SYN3: variants seen among roughly 807,000 people sequenced by gnomAD.
SYN3 encodes the protein synapsin-3.
Under a neutral mutation model 65.8 loss-of-function variants are expected in SYN3, and 35 were observed. The observed-to-expected ratio is 0.53, with a 90% CI of 0.41 to 0.70. The LOEUF (loss-of-function observed/expected upper bound fraction) is 0.70. Among genes scored for constraint, SYN3 ranks in the 30% least tolerant of loss-of-function variants. The probability of loss-of-function intolerance (pLI) is 0.00; values close to 1 mark genes in which losing one functional copy is unlikely to be tolerated. For synonymous variants in SYN3, 270 were observed against 292.9 expected, an observed-to-expected ratio of 0.92 and a Z score of 0.80; for missense variants, 680 against 749.0, an observed-to-expected ratio of 0.91 and a Z score of 1.08.
intron 7 of SYN3, among the ~76,000 whole-genome samples, chr22:32,596,288 C>G (rs963555594): frequency 6.6e-6 from 1 of 152,128 alleles, no homozygotes; most frequent in African/African-American, 2.4e-5. Flanking sequence ...TTTAGAGCAG[C>G]GTGAGAATGG....
rs1478966477 is a variant in SYN3, at chr22:32,890,615, C to T, written c.462-21490G>A. 7.3e-5 allele frequency among the ~76,000 whole-genome samples: 11 copies of T among 151,378 alleles called. No homozygotes were observed. The East Asian group carries it at 7.9e-4, about 11-fold the overall frequency. On this transcript the variant is annotated intron_variant, in intron 4 of 13. Coordinates refer to ENST00000358763, the MANE Select transcript of SYN3 (RefSeq NM_003490.4). ...CAGGATGGTCTTGATCTCCTGACCT[C>T]GTGATCTGCCCGCCTCGGCCTCCCA...
At chr22:32,934,443 T>C (rs1363045734) in intron 3 of SYN3, among the ~76,000 whole-genome samples, 8 of 152,194 alleles carry the variant, frequency 5.3e-5, no homozygotes, top group African/African-American at 1.9e-4. Context: ...TTATGAATAA[T>C]TACAGGAGAT....
chr22:32,666,104 G>T (rs928492833), intron 6 of SYN3, among the ~76,000 whole-genome samples: 2 of 151,974 alleles, frequency 1.3e-5, no homozygotes, highest in Non-Finnish European at 2.9e-5. Context: ...AAATCCTAAA[G>T]CCTCTACCTT....
intron 3 of SYN3, among the ~76,000 whole-genome samples, chr22:32,953,794 G>C (rs2051362420): frequency 6.6e-6 from 1 of 152,056 alleles, no homozygotes; most frequent in Non-Finnish European, 1.5e-5. Flanking sequence ...CTATTGTCAA[G>C]GAAGATAATG....
chr22:32,915,446 C>A (rs1308651806), intron 4 of SYN3, among the ~76,000 whole-genome samples: 3 of 151,860 alleles, frequency 2.0e-5, no homozygotes, highest in Admixed American at 6.6e-5. Context: ...GCAATGAGGG[C>A]TGTTAAAAAA....
intron 6 of SYN3, 41 bp from the exon 7 acceptor site, chr22:32,596,777 C>T: frequency 1.3e-6 from 2 of 1,597,590 alleles, no homozygotes; most frequent in South Asian, 2.2e-5. Flanking sequence ...CATCTCAGAG[C>T]ATTGCCACCA....
intron 4 of SYN3, among the ~76,000 whole-genome samples, chr22:32,910,026 A>G (rs1053452082): frequency 1.3e-5 from 2 of 152,178 alleles, no homozygotes; most frequent in Admixed American, 6.5e-5. Flanking sequence ...CTGGAGGGGA[A>G]AAAACAAGAC....
chr22:32,841,183 C>G (rs566169724), intron 6 of SYN3, among the ~76,000 whole-genome samples: 1 of 152,210 alleles, frequency 6.6e-6, no homozygotes, highest in African/African-American at 2.4e-5. Context: ...AGGCACTCTT[C>G]GGGCAGCTTT....
chr22:32,962,828 C>G (rs2051698338), intron 3 of SYN3, among the ~76,000 whole-genome samples: 1 of 151,536 alleles, frequency 6.6e-6, no homozygotes, highest in Non-Finnish European at 1.5e-5. Context: ...ATCTATCTAT[C>G]TATCTATCTA....
intron 1 of SYN3, among the ~76,000 whole-genome samples, chr22:33,053,089 A>G (rs1195460886): frequency 6.6e-6 from 1 of 152,202 alleles, no homozygotes; most frequent in African/African-American, 2.4e-5. Context: ...CCTGCACTGA[A>G]CAATGGCTCC....
rs551228013 is a variant in SYN3 at position 32,925,849 on chromosome 22, C to A, written c.461+5541G>T. Among the ~76,000 whole-genome samples the A allele has an allele frequency of 6.1e-5, 9 of 146,500 alleles. No homozygotes were observed. In the Admixed American group the frequency reaches 6.4e-4, roughly 10 times the overall value. ...TCTAATCTGTAGCTAAATCTGAGGA[C>A]CAATGGGATAGTTGTTCTTTTTTTT... On this transcript the variant is annotated intron_variant, in intron 4 of 13. Coordinates refer to ENST00000358763, the MANE Select transcript of SYN3 (RefSeq NM_003490.4).
chr22:32,568,240 C>T (rs922059455), intron 7 of SYN3, among the ~76,000 whole-genome samples: 4 of 152,192 alleles, frequency 2.6e-5, no homozygotes, highest in African/African-American at 9.7e-5. Context: ...TACCTAATTC[C>T]TACTCATTCC....
intron 9 of SYN3, among the ~76,000 whole-genome samples, chr22:32,537,355 C>T (rs908334292): frequency 1.3e-5 from 2 of 152,084 alleles, no homozygotes; most frequent in Admixed American, 6.6e-5. Flanking sequence ...GATGGGGTTT[C>T]ACCATGTTGG....
chr22:33,053,043 T>C (rs2054197254), intron 1 of SYN3, among the ~76,000 whole-genome samples: 1 of 152,366 alleles, frequency 6.6e-6, no homozygotes, highest in Non-Finnish European at 1.5e-5. Flanking sequence ...GCATTTTTCA[T>C]GTATCCAACA....
intron 3 of SYN3, among the ~76,000 whole-genome samples, chr22:32,941,682 G>T (rs1300791098): frequency 1.3e-5 from 2 of 152,164 alleles, no homozygotes; most frequent in Admixed American, 1.3e-4. Flanking sequence ...AAGGGGTAAG[G>T]GAATTCCCTT....
intron 6 of SYN3, among the ~76,000 whole-genome samples, chr22:32,845,536 T>C (rs1484132055): frequency 6.6e-6 from 1 of 152,104 alleles, no homozygotes; most frequent in African/African-American, 2.4e-5. Flanking sequence ...TAGCCATCAG[T>C]GGAAGCGGGA....
At position 32,529,012 on chromosome 22, in the gene SYN3, TGGGG is replaced by T; in HGVS notation, c.1096-8_1096-5del. On this transcript the variant is annotated splice_region_variant and splice_polypyrimidine_tract_variant and intron_variant, in intron 10 of 13. Transcript: ENST00000358763. ...GCGGCATTGAGCTGTCCATTACCTG[TGGGG>T]AGGAAGGGAGAGCTGAGGGACCCCC... 6.2e-7 allele frequency: 1 copy of T among 1,613,536 alleles called. No homozygotes were observed. Among genetic ancestry groups the T allele is most frequent in the Non-Finnish European group, 8.5e-7 (1 of 1,179,952 alleles).
chr22:33,055,667 A>C (rs953595146), intron 1 of SYN3, among the ~76,000 whole-genome samples: 2 of 152,216 alleles, frequency 1.3e-5, no homozygotes, highest in Non-Finnish European at 2.9e-5. Context: ...GGGAGAATAA[A>C]AGGGAGGGAG....
intron 3 of SYN3, among the ~76,000 whole-genome samples, chr22:32,943,571 T>A (rs1453642109): frequency 6.6e-6 from 1 of 152,166 alleles, no homozygotes; most frequent in Non-Finnish European, 1.5e-5. Context: ...AACATCATAA[T>A]GACAGGATCA....
Sources: allele counts gnomAD v4.1 joint callset (sites outside exome capture counted in the v4.1 genomes callset), GRCh38; gene constraint gnomAD v4.1.1; transcripts MANE v1.5; gene names NCBI Gene and HGNC (gene_info 2026-07-23, HGNC 2026-07-21).